RGS12: variants seen among roughly 807,000 people sequenced by gnomAD.
RGS12 encodes the protein regulator of G-protein signaling 12.
A neutral mutation model predicts 120.1 loss-of-function variants in RGS12; 66 were observed. The ratio of observed to expected loss-of-function variants is 0.55; its 90% confidence interval spans 0.45 to 0.67. RGS12 has a LOEUF of 0.67. Among genes scored for constraint, RGS12 ranks in the 30% least tolerant of loss-of-function variants. RGS12 has a pLI of 0.00. For synonymous variants in RGS12, 827 were observed against 804.7 expected, an observed-to-expected ratio of 1.03 and a Z score of -0.47; for missense variants, 1,859 against 1,957.7, an observed-to-expected ratio of 0.95 and a Z score of 0.95.
intron 17 of RGS12, among the ~76,000 whole-genome samples, chr4:3,435,266 A>G (rs575847841): frequency 6.6e-6 from 1 of 151,844 alleles, no homozygotes; most frequent in South Asian, 2.1e-4. Context: ...GGGTGAAAGT[A>G]CCCCCCATGG....
At chr4:3,386,555 C>A in intron 4 of RGS12, 118 bp downstream of exon 4, 1 of 879,200 alleles carries the variant, frequency 1.1e-6, no homozygotes, top group South Asian at 1.5e-5. Context: ...TTCCCTGTCT[C>A]CTTGTGGGCG....
At position 3,317,559 on chromosome 4, in the gene RGS12, G is replaced by A; in HGVS notation, c.1389G>A (p.Arg463=). The change falls in exon 2 of 18, where the codon AGG becomes AGA. Residue 463 remains arginine (R), a synonymous_variant. Transcript: ENST00000336727. Reference sequence around the variant, plus strand: ...GCGCGTGGGACGGTGTGGGTGGGAGGGGTGCCCAGCCCTGGGGTGCTCCCT... The same window carrying A: ...GCGCGTGGGACGGTGTGGGTGGGAGAGGTGCCCAGCCCTGGGGTGCTCCCT... ...GGSAWDGVGG[R]GAQPWGAPWT... is the part of the protein sequence containing the mutation. The A allele has an allele frequency of 6.2e-7, 1 of 1,607,536 alleles. No homozygotes were observed. The highest frequency in any genetic ancestry group is 2.2e-5 in the East Asian group (1 of 44,826).
intron 4 of RGS12, among the ~76,000 whole-genome samples, chr4:3,387,694 A>G (rs990596726): frequency 6.6e-6 from 1 of 152,242 alleles, no homozygotes; most frequent in African/African-American, 2.4e-5. Context: ...CAGGACCCGG[A>G]ACCAAATCCA....
chr4:3,405,448 C>A (rs1163516751), intron 4 of RGS12, among the ~76,000 whole-genome samples: 1 of 152,226 alleles, frequency 6.6e-6, no homozygotes, highest in African/African-American at 2.4e-5. Flanking sequence ...AATAACCAGC[C>A]TCTGTCAGGG....
At chr4:3,399,590 C>G (rs10488842) in intron 4 of RGS12, among the ~76,000 whole-genome samples, 58 of 152,286 alleles carry the variant, frequency 3.8e-4, no homozygotes, top group African/African-American at 1.2e-3. Flanking sequence ...TTTGATTAAC[C>G]GGACAATCTT....
At position 3,390,618 on chromosome 4, in the gene RGS12, AC is replaced by A. The variant is rs759688996; in HGVS notation, c.2020+4184del. On this transcript the variant is annotated intron_variant, in intron 4 of 17. Transcript: ENST00000336727. The surrounding 1 kb of genome is among the most constrained non-coding windows in gnomAD (Gnocchi z 4.6). ...CCTGCCAGGCTCTTCCAGTGCCTTCACCCAACACGCGGGCCTTTGGAGCTCA... is the reference window on the plus strand; with the variant it reads ...CCTGCCAGGCTCTTCCAGTGCCTTCACCAACACGCGGGCCTTTGGAGCTCA... Among the ~76,000 whole-genome samples, 5 of 152,126 alleles carry A rather than the reference AC, an allele frequency of 3.3e-5. No homozygotes were observed. Among genetic ancestry groups the A allele is most frequent in the African/African-American group, 4.8e-5 (2 of 41,424 alleles).
chr4:3,343,564 T>TG (rs1713476263), intron 3 of RGS12, among the ~76,000 whole-genome samples: 1 of 152,056 alleles, frequency 6.6e-6, no homozygotes, highest in East Asian at 1.9e-4. Context: ...CCTGCATTGG[T>TG]GTGGGTGTTT....
chr4:3,343,516 A>G (rs1460149504), intron 3 of RGS12, among the ~76,000 whole-genome samples: 1 of 151,986 alleles, frequency 6.6e-6, no homozygotes, highest in Non-Finnish European at 1.5e-5. Flanking sequence ...TTATGCCCCC[A>G]CCCACTTGTT....
Position 3,408,906 on chromosome 4 carries a change from A to G in RGS12, c.2021-5166A>G, listed in dbSNP as rs550647297. On this transcript the variant is annotated intron_variant, in intron 4 of 17. Transcript: ENST00000336727. ...TGTCAGCAGAAAGCTACAAAATGAGATTGTGTGAAGGGGGCGTGGCTCTCA... is the reference window on the plus strand; with the variant it reads ...TGTCAGCAGAAAGCTACAAAATGAGGTTGTGTGAAGGGGGCGTGGCTCTCA... Among the ~76,000 whole-genome samples the G allele has an allele frequency of 2.0e-5, 3 of 152,242 alleles. No homozygotes were observed. The East Asian group carries it at 5.8e-4, about 29-fold the overall frequency.
At position 3,372,556 on chromosome 4, in the gene RGS12, G is replaced by A. The variant is rs77308038; in HGVS notation, c.1999-13860G>A. 8.5e-3 allele frequency among the ~76,000 whole-genome samples: 1,294 copies of A among 152,324 alleles called. 21 individuals are homozygous for A. Among genetic ancestry groups the A allele is most frequent in the African/African-American group, 0.03 (1,230 of 41,576 alleles). On this transcript the variant is annotated intron_variant, in intron 3 of 17. Transcript: ENST00000336727. The surrounding 1 kb of genome is among the most constrained non-coding windows in gnomAD (Gnocchi z 4.3). Reference sequence around the variant, plus strand: ...GTCCTCAGCTGTCAGAGGCCGCCTCGGGTGCATCCACGCTGGCCCCCCCAG... The same window carrying A: ...GTCCTCAGCTGTCAGAGGCCGCCTCAGGTGCATCCACGCTGGCCCCCCCAG...
chr4:3,417,006 C>G lies in RGS12; in HGVS notation c.2521C>G (p.Leu841Val). 1.2e-6 allele frequency: 2 copies of G among 1,613,440 alleles called. No homozygotes were observed. The highest frequency in any genetic ancestry group is 1.7e-6 in the Non-Finnish European group (2 of 1,179,842). ...CILAEVEGRA[L>V]PDSQQVPSSP... Reference sequence around the variant, plus strand: ...CCTGGCGGAAGTGGAGGGCCGTGCACTCCCGGACTCGCAGCAGGTCCCCAG... The same window carrying G: ...CCTGGCGGAAGTGGAGGGCCGTGCAGTCCCGGACTCGCAGCAGGTCCCCAG... Residue 841 changes from leucine to valine, a missense_variant, in exon 8 of 18, where the codon CTC becomes GTC. Leu to Val is a conservative substitution (Grantham distance 32, BLOSUM62 1). Around this residue, in one of 3 missense-constraint regions of RGS12, gnomAD observed 375 missense variants for 475.0 expected, o/e 0.79. Transcript: ENST00000336727.
In RGS12 at chr4:3,389,947, CT is replaced by C. The variant is rs1287906582; in HGVS notation, c.2020+3511del. Among the ~76,000 whole-genome samples the C allele has an allele frequency of 2.0e-5, 3 of 152,198 alleles. No homozygotes were observed. Among genetic ancestry groups the C allele is most frequent in the Admixed American group, 2.0e-4 (3 of 15,280 alleles). ...TCATGCCTTGTGCCTCAGCTCTGCC[CT>C]GACCCCACTCTGTCCACTCAGCTGC... On this transcript the variant is annotated intron_variant, in intron 4 of 17. Transcript: ENST00000336727. The surrounding 1 kb of genome is among the most constrained non-coding windows in gnomAD (Gnocchi z 5.2).
In RGS12 at chr4:3,343,062, A is replaced by G; in HGVS notation, c.1998+9A>G. The stretch of plus-strand genomic sequence containing the variant: ...CCCTTGATGATCTTGAGGTAATTTA[A>G]TTTTCATTTTTCTTCTTTTCTCCTT... On this transcript the variant is annotated intron_variant, in intron 3 of 17. Coordinates refer to ENST00000336727, the MANE Select transcript of RGS12 (RefSeq NM_001394154.1). 1 of 1,578,722 alleles carries G rather than the reference A, an allele frequency of 6.3e-7. No individual in the cohort carries two copies. The highest frequency in any genetic ancestry group is 1.1e-5 in the South Asian group (1 of 89,888).
rs200383596 is a variant in RGS12, at chr4:3,316,198, C to T, written c.28C>T (p.Arg10Cys). 68 of 1,581,448 alleles carry T rather than the reference C, an allele frequency of 4.3e-5. No individual in the cohort carries two copies. Among genetic ancestry groups the T allele is most frequent in the African/African-American group, 4.0e-4 (30 of 74,140 alleles). MFRAGEASK[R>C]PLPGPSPPRV... is the part of the protein sequence containing the mutation. ...GTTTAGAGCTGGGGAGGCCTCCAAACGCCCATTGCCTGGGCCGTCGCCCCC... is the reference window on the plus strand; with the variant it reads ...GTTTAGAGCTGGGGAGGCCTCCAAATGCCCATTGCCTGGGCCGTCGCCCCC... The change falls in exon 2 of 18, where the codon CGC (arginine) becomes TGC (cysteine). Residue 10 changes from arginine (R) to cysteine (C), a missense_variant. Coordinates refer to ENST00000336727, the MANE Select transcript of RGS12 (RefSeq NM_001394154.1).
intron 5 of RGS12, 56 bp downstream of exon 5, chr4:3,414,297 C>A: frequency 6.8e-7 from 1 of 1,469,468 alleles, no homozygotes; most frequent in Admixed American, 2.2e-5. Flanking sequence ...CAGAGACTAC[C>A]GAGCAGGATC....
chr4:3,422,363 C>T lies in RGS12; in HGVS notation c.2839-13C>T, dbSNP rs370746443. ...CTGGTTCCCTCACGGCTGCTTGTCTCGCTGCTCCCCAGTCGGAGGCCTGCA... is the reference window on the plus strand; with the variant it reads ...CTGGTTCCCTCACGGCTGCTTGTCTTGCTGCTCCCCAGTCGGAGGCCTGCA... On this transcript the variant is annotated splice_polypyrimidine_tract_variant and intron_variant, in intron 10 of 17. Coordinates refer to ENST00000336727, the MANE Select transcript of RGS12 (RefSeq NM_001394154.1). The T allele has an allele frequency of 1.4e-5, 22 of 1,604,406 alleles. No homozygotes were observed. The highest frequency in any genetic ancestry group is 1.7e-4 in the Middle Eastern group (1 of 6,058).
At chr4:3,297,445 CA>C (rs1178174787) in intron 1 of RGS12, among the ~76,000 whole-genome samples, 1 of 152,222 alleles carries the variant, frequency 6.6e-6, no homozygotes, top group Non-Finnish European at 1.5e-5. Context: ...TTATTTCTCC[CA>C]AAGGCCGTGG....
At chr4:3,292,869 A>G (rs1723111870), upstream of RGS12, among the ~76,000 whole-genome samples, 2 of 151,294 alleles carry the variant, frequency 1.3e-5, no homozygotes, top group South Asian at 4.2e-4. Context: ...TCCCGACGCG[A>G]AGGCCCTCGC....
intron 3 of RGS12, among the ~76,000 whole-genome samples, chr4:3,375,676 G>A (rs1462747892): frequency 1.3e-5 from 1 of 79,942 alleles, no homozygotes; most frequent in African/African-American, 5.1e-5. Context: ...CTCATCTCCA[G>A]CCCTCATCTC....
Sources: allele counts gnomAD v4.1 joint callset (sites outside exome capture counted in the v4.1 genomes callset), GRCh38; gene constraint gnomAD v4.1.1; regional missense constraint gnomAD v4.1.1; non-coding constraint Gnocchi (gnomAD v3.1); transcripts MANE v1.5; gene names NCBI Gene and HGNC (gene_info 2026-07-23, HGNC 2026-07-21).